Variants in KIF27 observed in about 807,000 individuals in gnomAD.
KIF27 encodes kinesin family member 27.
KIF27 carries 84 observed loss-of-function variants against 141.8 expected under a neutral mutation model. The observed-to-expected ratio is 0.59, with a 90% confidence interval of 0.50 to 0.71. KIF27 has a LOEUF of 0.71. Ranked by LOEUF, KIF27 falls within the 30% of genes least tolerant of loss-of-function variation. The probability of loss-of-function intolerance (pLI) is 0.00; values close to 1 mark genes in which losing one functional copy is unlikely to be tolerated. For synonymous variants in KIF27, 471 were observed against 569.5 expected, an observed-to-expected ratio of 0.83 and a Z score of 2.46; for missense variants, 1,306 against 1,628.4, an observed-to-expected ratio of 0.80 and a Z score of 3.41.
intron 14 of KIF27, among the ~76,000 whole-genome samples, chr9:83,855,335 C>T (rs2131780527): frequency 6.6e-6 from 1 of 152,252 alleles, no homozygotes; most frequent in East Asian, 1.9e-4. Flanking sequence ...CATGCCTGGC[C>T]AATAGTGTGA....
intron 5 of KIF27, among the ~76,000 whole-genome samples, chr9:83,898,136 G>C (rs1953462998): frequency 6.6e-6 from 1 of 151,986 alleles, no homozygotes; most frequent in African/African-American, 2.4e-5. Context: ...GAGAGACACT[G>C]AAAATTCACG....
chr9:83,887,933 C>G (rs987002499), intron 8 of KIF27, among the ~76,000 whole-genome samples: 1 of 151,212 alleles, frequency 6.6e-6, no homozygotes, highest in African/African-American at 2.4e-5. Context: ...TATCCCTATT[C>G]CCTTATTTTT....
chr9:83,877,343 C>CA (rs200285174), intron 11 of KIF27, among the ~76,000 whole-genome samples: 5 of 152,248 alleles, frequency 3.3e-5, no homozygotes, highest in Non-Finnish European at 5.9e-5. Context: ...CCCGTTTCCC[C>CA]ATCAGCATTT....
At chr9:83,864,480 G>A (rs1377227166) in intron 13 of KIF27, among the ~76,000 whole-genome samples, 1 of 152,140 alleles carries the variant, frequency 6.6e-6, no homozygotes, top group African/African-American at 2.4e-5. Flanking sequence ...GTAGTTGAGC[G>A]GTTTTGAGTG....
At chr9:83,876,078 A>G (rs1426663674) in intron 11 of KIF27, among the ~76,000 whole-genome samples, 1 of 152,190 alleles carries the variant, frequency 6.6e-6, no homozygotes, top group Admixed American at 6.5e-5. Flanking sequence ...GCCTGAATAT[A>G]AATCTCAATA....
At position 83,836,587 on chromosome 9, in the gene KIF27, C is replaced by G. The variant is rs1287121719; in HGVS notation, c.*414G>C. 2 of 155,962 alleles carry G rather than the reference C, an allele frequency of 1.3e-5. No homozygotes were observed. Among genetic ancestry groups the G allele is most frequent in the African/African-American group, 4.9e-5 (2 of 40,994 alleles). 9.7% of individuals were successfully genotyped at this position (155,962 alleles called of 1,614,324 possible). A position where few individuals can be genotyped will look rare whatever the true frequency, so the allele number is the denominator to read the frequency against. Reference sequence around the variant, plus strand: ...TGACAAAAGCAAGATTTAGCTGGATCTTTTAAAAAAAAAATATACTTGTAT... The same window carrying G: ...TGACAAAAGCAAGATTTAGCTGGATGTTTTAAAAAAAAAATATACTTGTAT... On this transcript the variant is annotated 3_prime_UTR_variant, in exon 18 of 18. Transcript: ENST00000297814.
intron 2 of KIF27, 145 bp from the exon 3 acceptor site, chr9:83,908,797 T>C: frequency 2.3e-6 from 1 of 430,988 alleles, no homozygotes; most frequent in South Asian, 5.3e-5. Flanking sequence ...TCTTGCTCTG[T>C]TGCCCAGGCT....
At chr9:83,864,457 G>T (rs1311781893) in intron 13 of KIF27, among the ~76,000 whole-genome samples, 6 of 152,208 alleles carry the variant, frequency 3.9e-5, no homozygotes, top group Non-Finnish European at 8.8e-5. Flanking sequence ...GGAGCAGGTT[G>T]TTCAGTTTCC....
intron 11 of KIF27, among the ~76,000 whole-genome samples, chr9:83,879,276 GT>G (rs1268235725): frequency 6.6e-6 from 1 of 151,174 alleles, no homozygotes; most frequent in African/African-American, 2.4e-5. Flanking sequence ...GAGTAACTTG[GT>G]TTAAATGCTC....
intron 17 of KIF27, among the ~76,000 whole-genome samples, chr9:83,839,897 A>G (rs1946365361): frequency 6.6e-6 from 1 of 152,260 alleles, no homozygotes; most frequent in African/African-American, 2.4e-5. Context: ...GAGCTGAGAT[A>G]GCACCACTGC....
chr9:83,906,038 G>C (rs1476445083), intron 3 of KIF27, among the ~76,000 whole-genome samples: 1 of 152,108 alleles, frequency 6.6e-6, no homozygotes, highest in African/African-American at 2.4e-5. Flanking sequence ...ATGGTGAAGT[G>C]TATATACTTC....
rs1267296683 is a variant in KIF27, at chr9:83,848,251, T to C, written c.3556+1848A>G. On this transcript the variant is annotated intron_variant, in intron 16 of 17. Transcript: ENST00000297814. ...GATATGATATATATGATATATCAGA[T>C]ATGATATATATGATATATCAGATAT... Among the ~76,000 whole-genome samples the C allele has an allele frequency of 2.1e-5, 2 of 93,908 alleles. 1 individual carries two copies. Among genetic ancestry groups the C allele is most frequent in the Non-Finnish European group, 4.3e-5 (2 of 46,368 alleles). 61.6% of individuals were successfully genotyped at this position (93,908 alleles called of 152,430 possible).
intron 9 of KIF27, among the ~76,000 whole-genome samples, chr9:83,885,040 T>C (rs1422508229): frequency 2.0e-5 from 3 of 152,162 alleles, no homozygotes; most frequent in African/African-American, 7.2e-5. Context: ...CTCGTGGCAG[T>C]AGAAAACAGG....
chr9:83,897,583 C>G (rs1355230312), intron 5 of KIF27, among the ~76,000 whole-genome samples: 2 of 151,948 alleles, frequency 1.3e-5, no homozygotes, highest in Admixed American at 1.3e-4. Context: ...AAATAGAGAA[C>G]AAATACCATT....
chr9:83,858,932 C>T (rs996533094), intron 14 of KIF27: 5 of 548,440 alleles, frequency 9.1e-6, no homozygotes, highest in East Asian at 3.0e-5. Flanking sequence ...CCTGGCAGTG[C>T]CAGGAAGGGG....
rs1459679335 is a variant in KIF27 at position 83,837,041 on chromosome 9, G to C, written c.4166C>G (p.Ser1389Cys). 6.2e-7 allele frequency: 1 copy of C among 1,613,896 alleles called. No homozygotes were observed. The highest frequency in any genetic ancestry group is 8.5e-7 in the Non-Finnish European group (1 of 1,179,844). ...CCTTGGTTTCCTAGATACTTCGATG[G>C]AATCAGCAGCCATTGATCCAATGCC... Reference protein sequence around the residue: ...GVGIGSMAADSIEVSRKPRDL... With the variant: ...GVGIGSMAADCIEVSRKPRDL... Residue 1389 changes from serine (S) to cysteine (C), a missense_variant, in exon 18 of 18, where the codon TCC (serine) becomes TGC (cysteine). Ser to Cys is a moderately radical substitution (Grantham distance 112, BLOSUM62 -1). Coordinates refer to ENST00000297814, the MANE Select transcript of KIF27 (RefSeq NM_017576.4).
At chr9:83,848,473 T>C (rs1488952515) in intron 16 of KIF27, among the ~76,000 whole-genome samples, 3 of 142,908 alleles carry the variant, frequency 2.1e-5, no homozygotes, top group Non-Finnish European at 4.5e-5. Context: ...TCTATATGTA[T>C]ATATACATAT....
Position 83,834,308 on chromosome 9 carries a change from CT to C in KIF27, c.*2692del, listed in dbSNP as rs1395826548. On this transcript the variant is annotated 3_prime_UTR_variant, in exon 18 of 18. Transcript: ENST00000297814. ...GGTAGGTGTCTAATTTTTTTCTTTC[CT>C]TTGTGAGAACACCGACTAAACTAGA... Among the ~76,000 whole-genome samples the C allele has an allele frequency of 5.3e-5, 8 of 151,668 alleles. No homozygotes were observed. The highest frequency in any genetic ancestry group is 8.8e-5 in the Non-Finnish European group (6 of 67,866).
At chr9:83,917,035 A>G (rs1015096756) in intron 1 of KIF27, among the ~76,000 whole-genome samples, 3 of 151,984 alleles carry the variant, frequency 2.0e-5, no homozygotes, top group African/African-American at 4.8e-5. Flanking sequence ...CACAACGTGC[A>G]GGTTTGTTAC....
Sources: gnomAD v4.1 joint callset for allele counts (sites outside exome capture counted in the v4.1 genomes callset) on GRCh38, gnomAD v4.1.1 for gene constraint, MANE v1.5 for transcripts, NCBI Gene and HGNC (gene_info 2026-07-23, HGNC 2026-07-21) for gene names.